Variants in SHISA6 observed in about 807,000 individuals in gnomAD.
The protein encoded by SHISA6 is shisa family member 6.
Under a neutral mutation model 47.9 loss-of-function variants are expected in SHISA6, and 22 were observed. The ratio of observed to expected loss-of-function variants is 0.46; its 90% CI spans 0.33 to 0.66. The LOEUF is 0.66. SHISA6 is among the 30% of genes least tolerant of loss of function. The pLI, the probability that SHISA6 is intolerant of heterozygous loss-of-function variation, is 0.02. For missense variants in SHISA6, 680 were observed against 764.6 expected (o/e 0.89, Z 1.30); for synonymous variants, 388 against 337.8 (o/e 1.15, Z -1.63).
intron 1 of SHISA6, among the ~76,000 whole-genome samples, chr17:11,251,824 G>C (rs1427651805): frequency 6.6e-6 from 1 of 152,126 alleles, no homozygotes; most frequent in Non-Finnish European, 1.5e-5. Flanking sequence ...CACGTGGAAA[G>C]GAAGGAATCC....
At chr17:11,309,381 G>C (rs1174164454) in intron 2 of SHISA6, among the ~76,000 whole-genome samples, 1 of 152,164 alleles carries the variant, frequency 6.6e-6, no homozygotes, top group Non-Finnish European at 1.5e-5. Context: ...AATTTCAGTC[G>C]ATGAATATGA....
At chr17:11,245,142 CTCT>C (rs1907526982) in intron 1 of SHISA6, among the ~76,000 whole-genome samples, 1 of 152,190 alleles carries the variant, frequency 6.6e-6, no homozygotes, top group African/African-American at 2.4e-5. Flanking sequence ...ACCGTCAGCT[CTCT>C]TGTGATTCTA....
rs537992561 is a variant in SHISA6, at chr17:11,419,120, C to T, written c.895+39611C>T. 2.0e-4 allele frequency among the ~76,000 whole-genome samples: 31 copies of T among 151,694 alleles called. 1 individual carries two copies. Among genetic ancestry groups the T allele is most frequent in the South Asian group, 2.1e-4 (1 of 4,804 alleles). Reference sequence around the variant, plus strand: ...AGGAGATATACCTAATGCAAAATGACGAGAGTTAATGGGTGCAGCACACCA... The same window carrying T: ...AGGAGATATACCTAATGCAAAATGATGAGAGTTAATGGGTGCAGCACACCA... On this transcript the variant is annotated intron_variant, in intron 3 of 5. Coordinates refer to ENST00000441885, the MANE Select transcript of SHISA6 (RefSeq NM_207386.4).
At chr17:11,502,787 G>C (rs9900697) in intron 3 of SHISA6, among the ~76,000 whole-genome samples, 3,454 of 152,246 alleles carry the variant, frequency 0.023, 130 homozygotes, top group African/African-American at 0.077. Flanking sequence ...GGGTTCCGGG[G>C]TTGGCAAAGC....
intron 3 of SHISA6, among the ~76,000 whole-genome samples, chr17:11,454,852 T>C (rs1388081918): frequency 6.6e-6 from 1 of 152,180 alleles, no homozygotes; most frequent in African/African-American, 2.4e-5. Flanking sequence ...GAGCAGTTCC[T>C]GACACATAGC....
At chr17:11,287,811 C>T (rs1280144655) in intron 2 of SHISA6, among the ~76,000 whole-genome samples, 1 of 144,376 alleles carries the variant, frequency 6.9e-6, no homozygotes, top group Non-Finnish European at 1.5e-5. Flanking sequence ...TAATATATCA[C>T]AAATATATTT....
intron 2 of SHISA6, among the ~76,000 whole-genome samples, chr17:11,332,794 C>G (rs1239330729): frequency 6.6e-6 from 1 of 152,178 alleles, no homozygotes; most frequent in Non-Finnish European, 1.5e-5. Flanking sequence ...CTTTAGGAAA[C>G]AATTCCAATA....
chr17:11,538,172 T>C (rs1449137293), intron 3 of SHISA6, among the ~76,000 whole-genome samples: 1 of 152,150 alleles, frequency 6.6e-6, no homozygotes, highest in Admixed American at 6.5e-5. Flanking sequence ...CAAGCAATTC[T>C]CCTGCCTCAG....
At chr17:11,471,721 C>T (rs1597535661) in intron 3 of SHISA6, among the ~76,000 whole-genome samples, 2 of 152,264 alleles carry the variant, frequency 1.3e-5, no homozygotes, top group Admixed American at 1.3e-4. Flanking sequence ...TCTACTTGAA[C>T]CACTGGAATG....
At chr17:11,522,592 C>T (rs2142364091) in intron 3 of SHISA6, among the ~76,000 whole-genome samples, 1 of 152,160 alleles carries the variant, frequency 6.6e-6, no homozygotes, top group Non-Finnish European at 1.5e-5. Context: ...TTAAAATGTG[C>T]CTATGTTCAT....
At chr17:11,244,303 G>A (rs963479029) in intron 1 of SHISA6, among the ~76,000 whole-genome samples, 7 of 152,074 alleles carry the variant, frequency 4.6e-5, no homozygotes, top group Non-Finnish European at 5.9e-5. Context: ...CATCATATCC[G>A]TGCCTGTTGG....
In SHISA6 at chr17:11,374,524, G is replaced by A. The variant is rs75267487; in HGVS notation, c.800-4890G>A. Reference sequence around the variant, plus strand: ...TTGATTTCTGTGTATGTGTTTTTGTGTATATTTGCATGTATGTTTATGTTT... The same window carrying A: ...TTGATTTCTGTGTATGTGTTTTTGTATATATTTGCATGTATGTTTATGTTT... On this transcript the variant is annotated intron_variant, in intron 2 of 5. Transcript: ENST00000441885. 1.5e-3 allele frequency among the ~76,000 whole-genome samples: 225 copies of A among 151,790 alleles called. 1 individual carries two copies. The highest frequency in any genetic ancestry group is 6.8e-3 in the Middle Eastern group (2 of 294).
At chr17:11,250,159 C>G (rs1285395912) in intron 1 of SHISA6, among the ~76,000 whole-genome samples, 1 of 152,188 alleles carries the variant, frequency 6.6e-6, no homozygotes, top group Non-Finnish European at 1.5e-5. Flanking sequence ...AGATAGTAGA[C>G]AGTTAGCTTA....
chr17:11,314,968 T>G (rs1418782800), intron 2 of SHISA6, among the ~76,000 whole-genome samples: 1 of 152,220 alleles, frequency 6.6e-6, no homozygotes, highest in Non-Finnish European at 1.5e-5. Context: ...TTATGACTTC[T>G]AGAATCAGTT....
intron 2 of SHISA6, among the ~76,000 whole-genome samples, chr17:11,322,290 T>C (rs1238087679): frequency 6.6e-6 from 1 of 152,194 alleles, no homozygotes; most frequent in Non-Finnish European, 1.5e-5. Flanking sequence ...TTTGTATTTA[T>C]CTATATATTT....
rs75943798 is a variant in SHISA6, at chr17:11,306,279, A to G, written c.799+42753A>G. 5.6e-4 allele frequency among the ~76,000 whole-genome samples: 85 copies of G among 152,232 alleles called. No homozygotes were observed. In the East Asian group the frequency reaches 0.016, roughly 29 times the overall value. On this transcript the variant is annotated intron_variant, in intron 2 of 5. Transcript: ENST00000441885. ...TAAGTGATCTCAGCCTTCCCCCACC[A>G]CAAGCCTTCATCCATCTCCCCAAGA... is the stretch of plus-strand genomic sequence containing the variant.
At chr17:11,444,444 TC>T (rs1915180287) in intron 3 of SHISA6, among the ~76,000 whole-genome samples, 3 of 152,204 alleles carry the variant, frequency 2.0e-5, no homozygotes, top group African/African-American at 7.2e-5. Flanking sequence ...CATGTGAAAT[TC>T]CCTTTGAGGG....
At chr17:11,469,163 C>A (rs1355893596) in intron 3 of SHISA6, among the ~76,000 whole-genome samples, 1 of 151,992 alleles carries the variant, frequency 6.6e-6, no homozygotes, top group Non-Finnish European at 1.5e-5. Flanking sequence ...CTTCCTAATC[C>A]TCAGAACCTG....
At chr17:11,357,137 G>T (rs932920020) in intron 2 of SHISA6, among the ~76,000 whole-genome samples, 1 of 132,378 alleles carries the variant, frequency 7.6e-6, no homozygotes, top group Non-Finnish European at 1.5e-5. Context: ...GCAGTGAGCC[G>T]AGATCCCGCC....
Sources: allele counts gnomAD v4.1 joint callset (sites outside exome capture counted in the v4.1 genomes callset), GRCh38; gene constraint gnomAD v4.1.1; transcripts MANE v1.5; gene names NCBI Gene and HGNC (gene_info 2026-07-23, HGNC 2026-07-21).